The following RBFOX1 variants were observed in gnomAD, a reference collection of about 807,000 sequenced individuals.
RBFOX1 encodes RNA binding protein fox-1 homolog 1.
RBFOX1 carries 8 observed loss-of-function variants against 57.7 expected under a neutral mutation model. The ratio of observed to expected loss-of-function variants is 0.14; its 90% CI spans 0.08 to 0.25. The LOEUF (loss-of-function observed/expected upper bound fraction) is 0.25. RBFOX1 is among the 10% of genes least tolerant of loss of function. RBFOX1 has a pLI of 1.00. For missense variants in RBFOX1, 611 were observed against 548.5 expected (o/e 1.11, Z -1.14); for synonymous variants, 326 against 222.4 (o/e 1.47, Z -4.15).
At chr16:7,130,457 G>C (rs1187061176) in intron 4 of RBFOX1, among the ~76,000 whole-genome samples, 1 of 152,064 alleles carries the variant, frequency 6.6e-6, no homozygotes, top group East Asian at 1.9e-4. Flanking sequence ...ATCCTTTTAG[G>C]CAAAAGTGAT....
chr16:7,053,960 G>A (rs893510499), intron 4 of RBFOX1, among the ~76,000 whole-genome samples: 2 of 152,074 alleles, frequency 1.3e-5, no homozygotes, highest in Non-Finnish European at 2.9e-5. Context: ...GTACCAAAGA[G>A]AGTGCAATGG....
intron 2 of RBFOX1, among the ~76,000 whole-genome samples, chr16:6,641,492 T>G (rs756116690): frequency 6.6e-6 from 1 of 152,034 alleles, no homozygotes; most frequent in Non-Finnish European, 1.5e-5. Flanking sequence ...CCCAGCACTT[T>G]GGGAGGCCGA....
At chr16:6,877,728 A>G (rs1372383364) in intron 3 of RBFOX1, among the ~76,000 whole-genome samples, 4 of 152,158 alleles carry the variant, frequency 2.6e-5, no homozygotes, top group African/African-American at 7.2e-5. Context: ...GAAGTTTCCA[A>G]TATAGTAAGA....
At chr16:7,391,507 G>A (rs2098021241) in intron 4 of RBFOX1, among the ~76,000 whole-genome samples, 1 of 152,116 alleles carries the variant, frequency 6.6e-6, no homozygotes, top group Non-Finnish European at 1.5e-5. Context: ...GTGTGCTTTT[G>A]GACCAGTTTC....
At chr16:7,029,572 A>G (rs1472931804) in intron 3 of RBFOX1, among the ~76,000 whole-genome samples, 1 of 152,122 alleles carries the variant, frequency 6.6e-6, no homozygotes. Flanking sequence ...TCCAAACAGG[A>G]GAGTAACTTG....
intron 3 of RBFOX1, among the ~76,000 whole-genome samples, chr16:5,688,982 G>A (rs1231842328): frequency 6.6e-6 from 1 of 152,116 alleles, no homozygotes; most frequent in East Asian, 1.9e-4. Context: ...TACCAAATGT[G>A]AACCCATCTC....
chr16:5,285,972 A>G (rs538627989), intron 1 of RBFOX1, among the ~76,000 whole-genome samples: 1 of 152,118 alleles, frequency 6.6e-6, no homozygotes, highest in Non-Finnish European at 1.5e-5. Context: ...GGGTTTCACC[A>G]TGTTGGCCGG....
In RBFOX1 at chr16:5,946,653, A is replaced by G. The variant is rs966084271; in HGVS notation, c.351+79318A>G. 6.6e-6 allele frequency among the ~76,000 whole-genome samples: 1 copy of G among 152,216 alleles called. No homozygotes were observed. The highest frequency in any genetic ancestry group is 1.5e-5 in the Non-Finnish European group (1 of 68,042). ...AGCCGTGCTAGGCAACTATTGAACC[A>G]GAGAAGGGGGTTATGAGAATCTCTG... On this transcript the variant is annotated intron_variant, in intron 4 of 19. Transcript: ENST00000641259. The surrounding 1 kb of genome is among the most constrained non-coding windows in gnomAD (Gnocchi z 4.6).
chr16:6,270,179 C>T (rs2075032143), intron 1 of RBFOX1, among the ~76,000 whole-genome samples: 1 of 126,856 alleles, frequency 7.9e-6, no homozygotes, highest in African/African-American at 2.5e-5. Context: ...AAAAACACAA[C>T]AGAAAGAACA....
chr16:7,294,078 T>C (rs1375375358), intron 4 of RBFOX1, among the ~76,000 whole-genome samples: 2 of 152,202 alleles, frequency 1.3e-5, no homozygotes, highest in Non-Finnish European at 2.9e-5. Context: ...GAGAATCTTC[T>C]GCAGGCTTTG....
At chr16:6,200,924 T>C (rs1380167854) in intron 1 of RBFOX1, among the ~76,000 whole-genome samples, 1 of 141,860 alleles carries the variant, frequency 7.0e-6, no homozygotes, top group Non-Finnish European at 1.5e-5. Flanking sequence ...TGGATAGAGT[T>C]TTCGGTGTTA....
chr16:5,633,158 C>G (rs893064497), intron 3 of RBFOX1, among the ~76,000 whole-genome samples: 6 of 151,940 alleles, frequency 3.9e-5, no homozygotes, highest in African/African-American at 1.5e-4. Flanking sequence ...AGGCTGGTCT[C>G]GAACTCCTGA....
chr16:5,297,971 C>G lies in RBFOX1; in HGVS notation c.219+57866C>G, dbSNP rs528268356. 3.9e-5 allele frequency among the ~76,000 whole-genome samples: 6 copies of G among 152,236 alleles called. No individual in the cohort carries two copies. In the East Asian group the frequency reaches 9.6e-4, roughly 24 times the overall value. ...TAGAAAGCAAGGTGTAGCCCAGACA[C>G]TTTTGTAGGCAACAGTGTCCAGCTA... On this transcript the variant is annotated intron_variant, in intron 1 of 2. Coordinates refer to the RBFOX1 transcript ENST00000585867.
chr16:6,165,097 A>G (rs1009779147), intron 1 of RBFOX1, among the ~76,000 whole-genome samples: 5 of 152,148 alleles, frequency 3.3e-5, no homozygotes, highest in Admixed American at 2.6e-4. Flanking sequence ...CAGCTTAGCT[A>G]TGTCATCTCA....
At chr16:5,334,052 G>T (rs1003847940) in intron 1 of RBFOX1, among the ~76,000 whole-genome samples, 1 of 150,756 alleles carries the variant, frequency 6.6e-6, no homozygotes. Context: ...GCTTCTGGCC[G>T]ATTTCTGTCA....
At chr16:6,228,671 G>A (rs998986691) in intron 1 of RBFOX1, among the ~76,000 whole-genome samples, 1 of 152,148 alleles carries the variant, frequency 6.6e-6, no homozygotes, top group African/African-American at 2.4e-5. Context: ...TGGCAGGGGA[G>A]AGTTGTTGGT....
Position 7,676,784 on chromosome 16 carries a change from C to G in RBFOX1, c.941C>G (p.Ala314Gly). 1.2e-6 allele frequency: 2 copies of G among 1,612,976 alleles called. No individual in the cohort carries two copies. The highest frequency in any genetic ancestry group is 1.7e-6 in the Non-Finnish European group (2 of 1,179,256). Residue 314 changes from alanine (A) to glycine (G), a missense_variant, in exon 14 of 16, where the codon GCT (alanine) becomes GGT (glycine). Physicochemically the swap from Ala to Gly is moderately conservative, Grantham distance 60. Around this residue, in one of 3 missense-constraint regions of RBFOX1, gnomAD observed 267 missense variants for 229.1 expected, o/e 1.17. Transcript: ENST00000550418. ...CTCCTTGTGTTTTAGGGTGGTTATG[C>G]TGCATACCGCTACGCCCAGCCTACC... Reference protein sequence around the residue: ...FYGADIYGGYAAYRYAQPTPA... With the variant: ...FYGADIYGGYGAYRYAQPTPA...
intron 3 of RBFOX1, among the ~76,000 whole-genome samples, chr16:6,758,913 A>T (rs1286999847): frequency 6.6e-6 from 1 of 152,074 alleles, no homozygotes; most frequent in East Asian, 1.9e-4. Flanking sequence ...GTGTTCAGGG[A>T]GTCGGGGGGG....
intron 4 of RBFOX1, among the ~76,000 whole-genome samples, chr16:7,395,065 G>C (rs1172333190): frequency 6.6e-6 from 1 of 152,170 alleles, no homozygotes; most frequent in Non-Finnish European, 1.5e-5. Context: ...GGGATAAATA[G>C]AGCCATTTGT....
Sources: allele counts gnomAD v4.1 joint callset (sites outside exome capture counted in the v4.1 genomes callset), GRCh38; gene constraint gnomAD v4.1.1; regional missense constraint gnomAD v4.1.1; non-coding constraint Gnocchi (gnomAD v3.1); transcripts MANE v1.5; gene names NCBI Gene and HGNC (gene_info 2026-07-23, HGNC 2026-07-21).